The following RIMS1 variants were observed in gnomAD, a reference collection of about 807,000 sequenced individuals.
RIMS1 encodes regulating synaptic membrane exocytosis 1.
In RIMS1, 83 loss-of-function variants were observed where a neutral mutation model predicts 214.1. The ratio of observed to expected loss-of-function variants is 0.39; its 90% CI spans 0.32 to 0.47. The LOEUF (loss-of-function observed/expected upper bound fraction) is 0.47. RIMS1 is among the 20% of genes least tolerant of loss of function. The pLI is 0.99. For missense variants in RIMS1, 2,050 were observed against 2,161.8 expected, an observed-to-expected ratio of 0.95 and a Z score of 1.03; for synonymous variants, 793 against 786.8, an observed-to-expected ratio of 1.01 and a Z score of -0.13.
At chr6:72,173,909 G>A (rs990099343) in intron 4 of RIMS1, among the ~76,000 whole-genome samples, 2 of 152,008 alleles carry the variant, frequency 1.3e-5, no homozygotes, top group African/African-American at 4.8e-5. Flanking sequence ...AATGAGAAAG[G>A]CTCTTTGCAG....
At chr6:71,988,124 T>C (rs1244819805) in intron 2 of RIMS1, among the ~76,000 whole-genome samples, 2 of 151,886 alleles carry the variant, frequency 1.3e-5, no homozygotes, top group African/African-American at 4.8e-5. Context: ...TTATTGAAAA[T>C]GTCACAATAA....
At chr6:72,052,308 C>T (rs1365143885) in intron 2 of RIMS1, among the ~76,000 whole-genome samples, 2 of 152,202 alleles carry the variant, frequency 1.3e-5, no homozygotes, top group Non-Finnish European at 2.9e-5. Flanking sequence ...AGTCAGGGAA[C>T]TCCATCTAGG....
intron 2 of RIMS1, among the ~76,000 whole-genome samples, chr6:72,071,854 T>C (rs1830649133): frequency 6.6e-6 from 1 of 152,132 alleles, no homozygotes; most frequent in African/African-American, 2.4e-5. Flanking sequence ...TTCCAAATAG[T>C]AAATGACTTA....
intron 6 of RIMS1, among the ~76,000 whole-genome samples, chr6:72,222,230 T>C (rs116303528): frequency 1.7e-4 from 26 of 152,188 alleles, no homozygotes; most frequent in African/African-American, 6.0e-4. Flanking sequence ...TTTGACCTAA[T>C]GTCTCTTAAT....
intron 2 of RIMS1, among the ~76,000 whole-genome samples, chr6:72,001,061 A>G (rs553611845): frequency 9.2e-5 from 14 of 152,252 alleles, no homozygotes; most frequent in South Asian, 2.1e-4. Flanking sequence ...GCTTCTAGTC[A>G]CTGTTTCTCA....
chr6:71,967,736 G>C (rs1235791083), intron 1 of RIMS1, among the ~76,000 whole-genome samples: 1 of 152,176 alleles, frequency 6.6e-6, no homozygotes, highest in Non-Finnish European at 1.5e-5. Context: ...CAAAGGGAAG[G>C]TGTGTTGAGG....
At chr6:71,922,242 A>G (rs368002971) in intron 1 of RIMS1, among the ~76,000 whole-genome samples, 30 of 152,318 alleles carry the variant, frequency 2.0e-4, no homozygotes, top group African/African-American at 7.2e-4. Flanking sequence ...TTATGTGATC[A>G]TCATCAGTAT....
At chr6:72,145,309 G>A (rs1286571245) in intron 4 of RIMS1, among the ~76,000 whole-genome samples, 2 of 152,022 alleles carry the variant, frequency 1.3e-5, no homozygotes, top group Non-Finnish European at 2.9e-5. Context: ...TGGGCTCCTG[G>A]GCCTATTAGA....
chr6:72,169,130 T>C (rs1286920490), intron 4 of RIMS1, among the ~76,000 whole-genome samples: 4 of 152,194 alleles, frequency 2.6e-5, no homozygotes, highest in Non-Finnish European at 5.9e-5. Context: ...AGCTAGAAAT[T>C]ATGATTTTAG....
chr6:72,120,305 T>C (rs1209874987), intron 4 of RIMS1, among the ~76,000 whole-genome samples: 1 of 151,828 alleles, frequency 6.6e-6, no homozygotes, highest in Non-Finnish European at 1.5e-5. Flanking sequence ...CCACATCCTC[T>C]CCAGCACCTG....
intron 28 of RIMS1, among the ~76,000 whole-genome samples, chr6:72,325,341 T>C (rs1241871291): frequency 2.0e-5 from 3 of 151,698 alleles, no homozygotes; most frequent in Non-Finnish European, 4.4e-5. Flanking sequence ...TATGTGATTA[T>C]GCATATAGGA....
chr6:72,357,056 A>G (rs2097671020), intron 29 of RIMS1, among the ~76,000 whole-genome samples: 1 of 152,220 alleles, frequency 6.6e-6, no homozygotes, highest in Non-Finnish European at 1.5e-5. Context: ...ACAGCTAAAT[A>G]CCACAGATAT....
intron 28 of RIMS1, among the ~76,000 whole-genome samples, chr6:72,315,551 T>C (rs1273782249): frequency 6.6e-6 from 1 of 152,172 alleles, no homozygotes; most frequent in Non-Finnish European, 1.5e-5. Context: ...ATGCGGTACA[T>C]ATTTGCTCTT....
intron 1 of RIMS1, among the ~76,000 whole-genome samples, chr6:71,919,705 T>C (rs1582632763): frequency 6.6e-6 from 1 of 152,022 alleles, no homozygotes; most frequent in East Asian, 1.9e-4. Context: ...GAGATTGAGG[T>C]AGATACGGGG....
At chr6:71,918,060 G>T (rs1034570686) in intron 1 of RIMS1, among the ~76,000 whole-genome samples, 1 of 152,146 alleles carries the variant, frequency 6.6e-6, no homozygotes, top group African/African-American at 2.4e-5. Context: ...TCAAGTTGGG[G>T]AGTTTAGGGA....
intron 2 of RIMS1, among the ~76,000 whole-genome samples, chr6:72,044,475 A>G (rs1250609325): frequency 1.3e-5 from 2 of 151,946 alleles, no homozygotes; most frequent in African/African-American, 4.8e-5. Context: ...AAGTTTATAA[A>G]GCACATTTTT....
intron 4 of RIMS1, among the ~76,000 whole-genome samples, chr6:72,158,442 C>G (rs6453573): frequency 0.88 from 122,420 of 138,852 alleles, 56,221 homozygotes; most frequent in East Asian, 1. Flanking sequence ...AAGTTTTAGG[C>G]TACATGTGCA....
chr6:71,940,343 C>T (rs1216638490), intron 1 of RIMS1, among the ~76,000 whole-genome samples: 1 of 152,146 alleles, frequency 6.6e-6, no homozygotes, highest in Admixed American at 6.5e-5. Flanking sequence ...AGGGTTCACA[C>T]ATGGAGTCCA....
rs139940752 is a variant in RIMS1, at chr6:72,377,079, C to G, written c.4367-13519C>G. Among the ~76,000 whole-genome samples the G allele has an allele frequency of 1.1e-4, 17 of 152,240 alleles. 1 individual carries two copies. In the East Asian group the frequency reaches 3.1e-3, roughly 28 times the overall value. On this transcript the variant is annotated intron_variant, in intron 29 of 33. Transcript: ENST00000521978. ...AAGGTCTTTTAGTCTCCTTCCTTGA[C>G]AAAAATATCTTTTTAATGACCAAGG...
Sources: allele counts gnomAD v4.1 joint callset (sites outside exome capture counted in the v4.1 genomes callset), GRCh38; gene constraint gnomAD v4.1.1; transcripts MANE v1.5; gene names NCBI Gene and HGNC (gene_info 2026-07-23, HGNC 2026-07-21).